SPAG16: variants seen among roughly 807,000 people sequenced by gnomAD.
The protein encoded by SPAG16 is sperm-associated antigen 16 protein.
SPAG16 carries 86 observed loss-of-function variants against 80.4 expected under a neutral mutation model. The observed-to-expected ratio is 1.07, with a 90% CI of 0.90 to 1.28. The LOEUF (loss-of-function observed/expected upper bound fraction) is 1.28. Ranked by LOEUF, SPAG16 falls within the 50% of genes most tolerant of loss-of-function variation. The probability of loss-of-function intolerance (pLI) is 0.00; values close to 1 mark genes in which losing one functional copy is unlikely to be tolerated. For synonymous variants in SPAG16, 294 were observed against 265.9 expected, an observed-to-expected ratio of 1.11 and a Z score of -1.03; for missense variants, 870 against 765.3, an observed-to-expected ratio of 1.14 and a Z score of -1.61.
rs1163146309 is a variant in SPAG16, at chr2:214,012,259, CATATATAT to C, written c.1401-1669_1401-1662del. On this transcript the variant is annotated intron_variant, in intron 12 of 15. Coordinates refer to ENST00000331683, the MANE Select transcript of SPAG16 (RefSeq NM_024532.5). ...TTATATATATATATTTTTATACTTACATATATATATATATATATATATATATATATTTT... is the reference window on the plus strand; with the variant it reads ...TTATATATATATATTTTTATACTTACATATATATATATATATATATATTTT... Among the ~76,000 whole-genome samples, 244 of 39,794 alleles carry C rather than the reference CATATATAT, an allele frequency of 6.1e-3. 5 individuals are homozygous for C. The highest frequency in any genetic ancestry group is 8.5e-3 in the African/African-American group (111 of 12,984). 26.1% of individuals were successfully genotyped at this position (39,794 alleles called of 152,430 possible).
At chr2:213,384,482 G>T (rs2067325176) in intron 9 of SPAG16, among the ~76,000 whole-genome samples, 1 of 152,118 alleles carries the variant, frequency 6.6e-6, no homozygotes, top group Admixed American at 6.5e-5. Context: ...ATGGTGGAGG[G>T]TGAGAGTTAT....
At chr2:214,020,180 C>T (rs951877944) in intron 13 of SPAG16, among the ~76,000 whole-genome samples, 1 of 152,108 alleles carries the variant, frequency 6.6e-6, no homozygotes, top group African/African-American at 2.4e-5. Flanking sequence ...AGGGTGAGAA[C>T]GCAGGCTGCC....
chr2:214,176,575 G>A (rs973237721), intron 15 of SPAG16, among the ~76,000 whole-genome samples: 1 of 151,222 alleles, frequency 6.6e-6, no homozygotes, highest in South Asian at 2.1e-4. Context: ...ATTTTTAAAG[G>A]TAAGCTAACA....
At chr2:213,395,632 A>T (rs1336321334) in intron 9 of SPAG16, among the ~76,000 whole-genome samples, 1 of 152,094 alleles carries the variant, frequency 6.6e-6, no homozygotes, top group Non-Finnish European at 1.5e-5. Context: ...TGGGTGGTGA[A>T]TGATAAAATG....
At chr2:213,560,075 A>G (rs1418045784) in intron 10 of SPAG16, among the ~76,000 whole-genome samples, 1 of 152,048 alleles carries the variant, frequency 6.6e-6, no homozygotes, top group Non-Finnish European at 1.5e-5. Flanking sequence ...TAAATATTGA[A>G]TGCATTCACT....
intron 13 of SPAG16, among the ~76,000 whole-genome samples, chr2:214,032,701 T>A (rs980554672): frequency 1.3e-5 from 2 of 152,202 alleles, no homozygotes; most frequent in African/African-American, 2.4e-5. Context: ...CAGAAATTAT[T>A]TTTAAAAAGA....
At chr2:214,199,120 A>G (rs1042473263) in intron 15 of SPAG16, among the ~76,000 whole-genome samples, 2 of 151,650 alleles carry the variant, frequency 1.3e-5, no homozygotes, top group Admixed American at 6.6e-5. Context: ...GGTTCCATTT[A>G]TTTATTTTTG....
At chr2:213,743,101 C>A (rs1266433076) in intron 10 of SPAG16, among the ~76,000 whole-genome samples, 1 of 145,744 alleles carries the variant, frequency 6.9e-6, no homozygotes, top group African/African-American at 2.4e-5. Context: ...GACAGGGTTT[C>A]ACTGTGTTAG....
At chr2:214,361,555 C>A (rs1699184530) in intron 15 of SPAG16, among the ~76,000 whole-genome samples, 1 of 151,850 alleles carries the variant, frequency 6.6e-6, no homozygotes, top group African/African-American at 2.4e-5. Context: ...AACTCAAACA[C>A]TTCATCCAGG....
At chr2:213,623,971 G>C (rs2061871911) in intron 10 of SPAG16, among the ~76,000 whole-genome samples, 1 of 151,798 alleles carries the variant, frequency 6.6e-6, no homozygotes, top group Admixed American at 6.6e-5. Context: ...AATTAATTAA[G>C]TTAAACACAA....
chr2:213,635,134 A>T (rs1339619184), intron 10 of SPAG16, among the ~76,000 whole-genome samples: 2 of 150,796 alleles, frequency 1.3e-5, no homozygotes, highest in East Asian at 2.0e-4. Flanking sequence ...CTCCCAGTTC[A>T]TGCCATTCTC....
At chr2:214,205,325 G>A (rs2058113086) in intron 15 of SPAG16, among the ~76,000 whole-genome samples, 1 of 152,028 alleles carries the variant, frequency 6.6e-6, no homozygotes, top group Non-Finnish European at 1.5e-5. Flanking sequence ...CACAACTCCT[G>A]GAAATGAGGG....
intron 15 of SPAG16, among the ~76,000 whole-genome samples, chr2:214,226,577 A>T (rs1293101629): frequency 6.6e-6 from 1 of 152,024 alleles, no homozygotes; most frequent in Non-Finnish European, 1.5e-5. Flanking sequence ...CCAAATTCTG[A>T]CCTTTTGTTG....
chr2:213,823,515 C>A (rs1018953185), intron 10 of SPAG16, among the ~76,000 whole-genome samples: 1 of 152,054 alleles, frequency 6.6e-6, no homozygotes, highest in Admixed American at 6.6e-5. Context: ...CATGTGCCAC[C>A]ATGCCCGACT....
chr2:214,290,668 C>A (rs1278133168), intron 15 of SPAG16, among the ~76,000 whole-genome samples: 1 of 152,026 alleles, frequency 6.6e-6, no homozygotes, highest in African/African-American at 2.4e-5. Context: ...TGTTTTTAAT[C>A]TTCATGTATC....
At chr2:213,317,764 A>G in intron 5 of SPAG16, 2 of 982,988 alleles carry the variant, frequency 2.0e-6, no homozygotes, top group Non-Finnish European at 2.4e-6. Flanking sequence ...AAAATTCTCC[A>G]GAAGGAATAA....
intron 3 of SPAG16, among the ~76,000 whole-genome samples, chr2:213,303,693 T>C (rs922641463): frequency 6.6e-6 from 1 of 152,130 alleles, no homozygotes; most frequent in Non-Finnish European, 1.5e-5. Flanking sequence ...ATCCATGTTG[T>C]TGGAAATGAC....
In SPAG16 at chr2:214,169,870, G is replaced by A. The variant is rs549418023; in HGVS notation, c.1720+20604G>A. 2.6e-3 allele frequency among the ~76,000 whole-genome samples: 396 copies of A among 152,044 alleles called. 4 individuals carry two copies. Among genetic ancestry groups the A allele is most frequent in the African/African-American group, 9.3e-3 (384 of 41,492 alleles). ...ATCCTGGGGATAAAAAGGGAAAACG[G>A]CATAATTTCTGCCAGCAATACAGTG... On this transcript the variant is annotated intron_variant, in intron 15 of 15. Coordinates refer to ENST00000331683, the MANE Select transcript of SPAG16 (RefSeq NM_024532.5).
At chr2:214,215,837 T>A (rs1365968259) in intron 15 of SPAG16, among the ~76,000 whole-genome samples, 1 of 152,246 alleles carries the variant, frequency 6.6e-6, no homozygotes, top group Non-Finnish European at 1.5e-5. Context: ...TCTACCTTGA[T>A]TTTGGCTTAA....
Sources: allele counts gnomAD v4.1 joint callset (sites outside exome capture counted in the v4.1 genomes callset), GRCh38; gene constraint gnomAD v4.1.1; transcripts MANE v1.5; gene names NCBI Gene and HGNC (gene_info 2026-07-23, HGNC 2026-07-21).